Variants in PARD3 observed in about 807,000 individuals in gnomAD.
The protein encoded by PARD3 is par-3 family cell polarity regulator.
PARD3 carries 75 observed loss-of-function variants against 155.4 expected under a neutral mutation model. That is an observed-to-expected ratio of 0.48 (90% CI 0.40 to 0.58). The LOEUF is 0.58. Ranked by LOEUF, PARD3 falls within the 20% of genes least tolerant of loss-of-function variation. The pLI, the probability that PARD3 is intolerant of heterozygous loss-of-function variation, is 0.00. For missense variants in PARD3, 1,642 were observed against 1,721.7 expected, an observed-to-expected ratio of 0.95 and a Z score of 0.82; for synonymous variants, 576 against 610.5, an observed-to-expected ratio of 0.94 and a Z score of 0.83.
chr10:34,542,634 GATA>G (rs2083728364), intron 2 of PARD3, among the ~76,000 whole-genome samples: 2 of 152,276 alleles, frequency 1.3e-5, no homozygotes, highest in East Asian at 3.9e-4. Context: ...AGCAAAATCT[GATA>G]ATATTTACAA....
intron 5 of PARD3, among the ~76,000 whole-genome samples, chr10:34,429,399 T>C (rs1055109797): frequency 1.4e-4 from 21 of 151,806 alleles, no homozygotes; most frequent in Non-Finnish European, 2.8e-4. Context: ...CTTTTTTTTT[T>C]TTTTCCTTTT....
chr10:34,362,272 C>G (rs1839522959), intron 12 of PARD3, among the ~76,000 whole-genome samples: 1 of 152,048 alleles, frequency 6.6e-6, no homozygotes, highest in East Asian at 1.9e-4. Flanking sequence ...GCACTCCAGC[C>G]TGGGCGACAG....
At chr10:34,686,496 G>C (rs2093956136) in intron 2 of PARD3, among the ~76,000 whole-genome samples, 1 of 151,686 alleles carries the variant, frequency 6.6e-6, no homozygotes, top group Non-Finnish European at 1.5e-5. Flanking sequence ...AGCACTTTGG[G>C]AGGCCGAGGC....
chr10:34,542,234 T>TGTGTGTGTGTGTGTGTGTGTGTGCAC (rs143582528), intron 2 of PARD3, among the ~76,000 whole-genome samples: 4 of 146,298 alleles, frequency 2.7e-5, no homozygotes, highest in Non-Finnish European at 4.5e-5. Context: ...TGTGTGTGTG[T>TGTGTGTGTGTGTGTGTGTGTGTGCAC]GTGTGCACAC....
At chr10:34,640,708 CAAAAAAAAAAAAAA>C (rs59111039) in intron 2 of PARD3, among the ~76,000 whole-genome samples, 464 of 24,030 alleles carry the variant, frequency 0.019, 30 homozygotes, top group East Asian at 0.093. Flanking sequence ...GACTCCATCT[CAAAAAAAAAAAAAA>C]AAAAAAAAAA....
intron 14 of PARD3, among the ~76,000 whole-genome samples, chr10:34,349,580 T>TTA (rs1837792547): frequency 4.5e-5 from 2 of 44,708 alleles, no homozygotes; most frequent in African/African-American, 1.1e-4. Context: ...TCTGGGAAAG[T>TTA]AAAAAAAAAA....
chr10:34,249,985 G>A (rs899239787), intron 22 of PARD3, among the ~76,000 whole-genome samples: 4 of 152,170 alleles, frequency 2.6e-5, no homozygotes, highest in Non-Finnish European at 5.9e-5. Flanking sequence ...TGCCACACAC[G>A]AGATGCTTTG....
intron 20 of PARD3, among the ~76,000 whole-genome samples, chr10:34,298,537 G>A (rs1188231890): frequency 6.6e-6 from 1 of 152,214 alleles, no homozygotes; most frequent in African/African-American, 2.4e-5. Flanking sequence ...GGTAGCTCAA[G>A]TAGTCAAACT....
At chr10:34,149,053 T>C (rs1255124668) in intron 22 of PARD3, among the ~76,000 whole-genome samples, 1 of 152,192 alleles carries the variant, frequency 6.6e-6, no homozygotes, top group Admixed American at 6.5e-5. Flanking sequence ...GTATAATAAG[T>C]ATCTTGATAT....
At chr10:34,639,609 C>T (rs954961944) in intron 2 of PARD3, among the ~76,000 whole-genome samples, 3 of 152,258 alleles carry the variant, frequency 2.0e-5, no homozygotes, top group African/African-American at 7.2e-5. Flanking sequence ...TCTAATGCCA[C>T]CACTTTGCGA....
chr10:34,404,494 C>T (rs1433807491), intron 5 of PARD3, among the ~76,000 whole-genome samples: 1 of 152,052 alleles, frequency 6.6e-6, no homozygotes, highest in African/African-American at 2.4e-5. Context: ...TGGTGAGATC[C>T]CGCCTCTATT....
chr10:34,750,509 A>ACACACC (rs1395471722), intron 1 of PARD3, among the ~76,000 whole-genome samples: 16 of 140,040 alleles, frequency 1.1e-4, no homozygotes, highest in South Asian at 2.3e-4. Flanking sequence ...ACACACACAC[A>ACACACC]CCCTAAGACT....
intron 3 of PARD3, among the ~76,000 whole-genome samples, chr10:34,483,567 C>A (rs2079241021): frequency 6.6e-6 from 1 of 151,760 alleles, no homozygotes; most frequent in Non-Finnish European, 1.5e-5. Flanking sequence ...ATTGCTTTTC[C>A]TCATATATGT....
intron 2 of PARD3, among the ~76,000 whole-genome samples, chr10:34,689,520 C>CG (rs2094011484): frequency 6.6e-6 from 1 of 152,092 alleles, no homozygotes; most frequent in South Asian, 2.1e-4. Context: ...CTACTTCAGT[C>CG]TATGGTATAA....
intron 1 of PARD3, among the ~76,000 whole-genome samples, chr10:34,772,059 A>G (rs1838942347): frequency 6.6e-6 from 1 of 152,220 alleles, no homozygotes; most frequent in African/African-American, 2.4e-5. Flanking sequence ...AGCAGAATGC[A>G]AGATGCACCC....
chr10:34,730,221 C>T (rs2094792272), intron 1 of PARD3, among the ~76,000 whole-genome samples: 1 of 152,030 alleles, frequency 6.6e-6, no homozygotes, highest in Admixed American at 6.6e-5. Context: ...CAAATTAAAT[C>T]CAACAATATA....
intron 9 of PARD3, among the ~76,000 whole-genome samples, chr10:34,379,324 T>C (rs530761268): frequency 1.3e-4 from 20 of 152,282 alleles, no homozygotes; most frequent in African/African-American, 3.1e-4. Flanking sequence ...AAACCTACCA[T>C]AGTTATTCTC....
At chr10:34,152,884 T>C (rs1039673508) in intron 22 of PARD3, among the ~76,000 whole-genome samples, 1 of 152,168 alleles carries the variant, frequency 6.6e-6, no homozygotes, top group Middle Eastern at 3.2e-3. Flanking sequence ...AGCATTCCAA[T>C]GATAAGGTAG....
chr10:34,343,164 A>G, intron 15 of PARD3: 1 of 236,408 alleles, frequency 4.2e-6, no homozygotes, highest in Non-Finnish European at 6.9e-6. Flanking sequence ...CAAAGTATAT[A>G]GAATTATAAA....
Sources: gnomAD v4.1 joint callset for allele counts (sites outside exome capture counted in the v4.1 genomes callset) on GRCh38, gnomAD v4.1.1 for gene constraint, MANE v1.5 for transcripts, NCBI Gene and HGNC (gene_info 2026-07-23, HGNC 2026-07-21) for gene names.